Variants in CCDC85A observed in about 807,000 individuals in gnomAD.
The protein encoded by CCDC85A is coiled-coil domain-containing protein 85A.
CCDC85A carries 38 observed loss-of-function variants against 50.2 expected under a neutral mutation model. That is an observed-to-expected ratio of 0.76 (90% confidence interval 0.58 to 0.99). CCDC85A has a LOEUF of 0.99. Among genes scored for constraint, CCDC85A ranks in the 50% least tolerant of loss-of-function variants. CCDC85A has a pLI of 0.00. For missense variants in CCDC85A, 820 were observed against 742.0 expected (o/e 1.11, Z -1.22); for synonymous variants, 366 against 301.4 (o/e 1.21, Z -2.22).
chr2:56,359,942 TAGTTCA>T (rs1675438868), intron 3 of CCDC85A, among the ~76,000 whole-genome samples: 1 of 152,216 alleles, frequency 6.6e-6, no homozygotes, highest in South Asian at 2.1e-4. Flanking sequence ...GAACAAAGGC[TAGTTCA>T]CATCTTCAGC....
chr2:56,266,075 A>C (rs989407993), intron 2 of CCDC85A, among the ~76,000 whole-genome samples: 5 of 152,202 alleles, frequency 3.3e-5, no homozygotes, highest in African/African-American at 1.2e-4. Context: ...TGTCACTTAC[A>C]TGTGAAAAAG....
chr2:56,234,647 T>C (rs1263219361), intron 2 of CCDC85A, among the ~76,000 whole-genome samples: 1 of 152,200 alleles, frequency 6.6e-6, no homozygotes, highest in Non-Finnish European at 1.5e-5. Context: ...TACCTTTTTT[T>C]TTCTTCTCTG....
intron 3 of CCDC85A, among the ~76,000 whole-genome samples, chr2:56,368,921 A>T (rs972715876): frequency 6.6e-6 from 1 of 152,006 alleles, no homozygotes; most frequent in Non-Finnish European, 1.5e-5. Flanking sequence ...AACTTTTTTT[A>T]GGAAGAATTT....
chr2:56,305,318 A>C (rs1451860830), intron 2 of CCDC85A, among the ~76,000 whole-genome samples: 1 of 152,232 alleles, frequency 6.6e-6, no homozygotes, highest in South Asian at 2.1e-4. Context: ...TCCAACAAGC[A>C]TGTGAGGTAA....
chr2:56,310,708 G>T (rs1397105696), intron 2 of CCDC85A, among the ~76,000 whole-genome samples: 1 of 152,084 alleles, frequency 6.6e-6, no homozygotes, highest in African/African-American at 2.4e-5. Context: ...TAACTATAAG[G>T]TCTACAGAAC....
At chr2:56,191,902 A>G (rs1676309408) in intron 1 of CCDC85A, among the ~76,000 whole-genome samples, 1 of 152,186 alleles carries the variant, frequency 6.6e-6, no homozygotes, top group Admixed American at 6.5e-5. Flanking sequence ...ACTCTGTTGA[A>G]AGGTCTGTTG....
chr2:56,216,369 C>T (rs867754976), intron 2 of CCDC85A, among the ~76,000 whole-genome samples: 8 of 151,560 alleles, frequency 5.3e-5, no homozygotes, highest in Non-Finnish European at 1.0e-4. Flanking sequence ...TATGTCCTTA[C>T]CAACAACGAC....
At chr2:56,297,522 C>G (rs1672009782) in intron 2 of CCDC85A, among the ~76,000 whole-genome samples, 1 of 151,550 alleles carries the variant, frequency 6.6e-6, no homozygotes, top group Admixed American at 6.6e-5. Context: ...TTTAGCTATT[C>G]AGTAGGCAAG....
chr2:56,287,724 T>C (rs184725776), intron 2 of CCDC85A, among the ~76,000 whole-genome samples: 4 of 152,330 alleles, frequency 2.6e-5, no homozygotes, highest in African/African-American at 9.6e-5. Context: ...AAGCCAATTC[T>C]TTCTCCTTTA....
At chr2:56,339,460 GAT>G (rs1476096865) in intron 2 of CCDC85A, among the ~76,000 whole-genome samples, 2 of 152,084 alleles carry the variant, frequency 1.3e-5, no homozygotes, top group Non-Finnish European at 2.9e-5. Flanking sequence ...GAAAACATCA[GAT>G]ATATAAACTG....
chr2:56,346,336 G>T (rs1674628563), intron 3 of CCDC85A, among the ~76,000 whole-genome samples: 1 of 152,012 alleles, frequency 6.6e-6, no homozygotes, highest in African/African-American at 2.4e-5. Context: ...ACATTTTGTG[G>T]GCTCAGGGGT....
At chr2:56,312,322 A>T (rs17047781) in intron 2 of CCDC85A, among the ~76,000 whole-genome samples, 20,494 of 152,028 alleles carry the variant, frequency 0.13, 1,565 homozygotes, top group Admixed American at 0.22. Context: ...CTGTGTTGGA[A>T]CGCCTGGAGA....
chr2:56,259,239 T>C (rs1670116892), intron 2 of CCDC85A, among the ~76,000 whole-genome samples: 1 of 152,174 alleles, frequency 6.6e-6, no homozygotes, highest in Non-Finnish European at 1.5e-5. Context: ...GCTTGTTTTT[T>C]TATGGATGGG....
chr2:56,220,350 T>A lies in CCDC85A; in HGVS notation c.1240+26910T>A, dbSNP rs73940633. 5.0e-3 allele frequency among the ~76,000 whole-genome samples: 762 copies of A among 152,168 alleles called. 9 individuals carry two copies. Among genetic ancestry groups the A allele is most frequent in the African/African-American group, 0.018 (731 of 41,536 alleles). On this transcript the variant is annotated intron_variant, in intron 2 of 5. Coordinates refer to ENST00000407595, the MANE Select transcript of CCDC85A (RefSeq NM_001080433.2). ...TGAATAGATATTTTAGGATTTTTTT[T>A]AAATGAAGTCATGCTTGTGTTATAT...
rs79849151 is a variant in CCDC85A at position 56,319,281 on chromosome 2, T to A, written c.1241-23598T>A. 3.3e-5 allele frequency among the ~76,000 whole-genome samples: 5 copies of A among 152,226 alleles called. No homozygotes were observed. The East Asian group carries it at 9.7e-4, about 29-fold the overall frequency. On this transcript the variant is annotated intron_variant, in intron 2 of 5. Coordinates refer to ENST00000407595, the MANE Select transcript of CCDC85A (RefSeq NM_001080433.2). ...AAACTGAGACACAGGAGTTTAATAA[T>A]GTGCCCAAGTCCACAGAGTACATAC...
chr2:56,259,470 G>A (rs980141164), intron 2 of CCDC85A, among the ~76,000 whole-genome samples: 1 of 152,182 alleles, frequency 6.6e-6, no homozygotes, highest in Non-Finnish European at 1.5e-5. Flanking sequence ...GTAGGACAAG[G>A]AATGTGCCCA....
At chr2:56,321,648 C>T (rs532394372) in intron 2 of CCDC85A, among the ~76,000 whole-genome samples, 1 of 152,288 alleles carries the variant, frequency 6.6e-6, no homozygotes, top group South Asian at 2.1e-4. Context: ...AAAGAGGACA[C>T]AAACAAATTG....
intron 2 of CCDC85A, among the ~76,000 whole-genome samples, chr2:56,308,626 G>T (rs1020072458): frequency 6.6e-6 from 1 of 152,142 alleles, no homozygotes; most frequent in Admixed American, 6.6e-5. Context: ...TTGTTGGAAG[G>T]TTCTGTTTCT....
chr2:56,269,590 C>T (rs1670609760), intron 2 of CCDC85A, among the ~76,000 whole-genome samples: 1 of 152,092 alleles, frequency 6.6e-6, no homozygotes, highest in Non-Finnish European at 1.5e-5. Context: ...TCAAATTCTC[C>T]AGAGAAAGGG....
Sources: allele counts gnomAD v4.1 joint callset (sites outside exome capture counted in the v4.1 genomes callset), GRCh38; gene constraint gnomAD v4.1.1; transcripts MANE v1.5; gene names NCBI Gene and HGNC (gene_info 2026-07-23, HGNC 2026-07-21).